The following BTD variants were observed in gnomAD, a reference collection of about 807,000 sequenced individuals.
BTD encodes biotinidase, also known as biocytinase.
Under a neutral mutation model 17.7 loss-of-function variants are expected in BTD, and 13 were observed. That is an observed-to-expected ratio of 0.74 (90% CI 0.48 to 1.17). The LOEUF (loss-of-function observed/expected upper bound fraction) is 1.17. BTD is among the 50% of genes most tolerant of loss of function. The pLI is 0.00. For synonymous variants in BTD, 240 were observed against 245.2 expected (o/e 0.98, Z 0.20); for missense variants, 674 against 650.4 (o/e 1.04, Z -0.39).
chr3:15,677,154 A>G, intron 3 of BTD: 1 of 919,232 alleles, frequency 1.1e-6, no homozygotes, highest in East Asian at 2.4e-5. Flanking sequence ...ATTATGTACA[A>G]CACCATACAT....
chr3:15,689,711 G>A, intron 3 of BTD: 1 of 235,986 alleles, frequency 4.2e-6, no homozygotes, highest in Non-Finnish European at 8.3e-6. Context: ...GAAGCTGGTA[G>A]TCTAGGACCT....
chr3:15,624,274 A>G (rs1417778529), intron 1 of BTD, among the ~76,000 whole-genome samples: 1 of 152,068 alleles, frequency 6.6e-6, no homozygotes, highest in African/African-American at 2.4e-5. Flanking sequence ...TTAGTGTCTG[A>G]TATTAATCTG....
At chr3:15,658,813 T>C (rs963797552) in intron 3 of BTD, among the ~76,000 whole-genome samples, 2 of 152,220 alleles carry the variant, frequency 1.3e-5, no homozygotes, top group Non-Finnish European at 2.9e-5. Flanking sequence ...CAGAATACTT[T>C]TGGGAATCAA....
chr3:15,717,930 AAAC>A (rs763982554), intron 4 of BTD, among the ~76,000 whole-genome samples: 35 of 152,214 alleles, frequency 2.3e-4, no homozygotes, highest in Non-Finnish European at 4.3e-4. Context: ...TCAAGGTCAG[AAAC>A]AACAAAATGG....
intron 3 of BTD, chr3:15,679,286 T>C (rs530824895): frequency 2.9e-5 from 46 of 1,612,084 alleles, no homozygotes; most frequent in Admixed American, 8.3e-5. Context: ...ATTTAATACA[T>C]AGTTGAATTC....
intron 3 of BTD, among the ~76,000 whole-genome samples, chr3:15,691,125 C>CTT (rs535516050): frequency 5.9e-4 from 83 of 141,482 alleles, no homozygotes; most frequent in African/African-American, 2.0e-3. Context: ...CTGAAGTTGT[C>CTT]TTTTTTTTTT....
chr3:15,712,235 G>T, exon 4 of BTD: 2 of 1,553,130 alleles, frequency 1.3e-6, no homozygotes, highest in Non-Finnish European at 1.8e-6. Flanking sequence ...AAAGTTAATA[G>T]AACAGGACAG....
intron 3 of BTD, among the ~76,000 whole-genome samples, chr3:15,659,832 A>G (rs2065905089): frequency 6.6e-6 from 1 of 152,162 alleles, no homozygotes; most frequent in Non-Finnish European, 1.5e-5. Context: ...CAGTAGGATG[A>G]CTTTCCTTTT....
In BTD at chr3:15,682,719, A is replaced by G. The variant is rs899232276; in HGVS notation, c.400-27341A>G. Among the ~76,000 whole-genome samples, 3 of 152,192 alleles carry G rather than the reference A, an allele frequency of 2.0e-5. No individual in the cohort carries two copies. The East Asian group carries it at 5.8e-4, about 29-fold the overall frequency. On this transcript the variant is annotated intron_variant, in intron 3 of 3. Transcript: ENST00000672141. ...CTTCCACTTTTCTTTCCAGCTGTAC[A>G]ATAATTACTAGTTAAAGTAAAAACC...
intron 3 of BTD, chr3:15,684,980 A>C: frequency 2.0e-6 from 1 of 490,122 alleles, no homozygotes; most frequent in Non-Finnish European, 3.6e-6. Context: ...AAAGAAAAGA[A>C]AAGAAAAACC....
At chr3:15,616,179 T>C (rs1306858085) in intron 1 of BTD, among the ~76,000 whole-genome samples, 1 of 152,242 alleles carries the variant, frequency 6.6e-6, no homozygotes, top group Non-Finnish European at 1.5e-5. Flanking sequence ...ATACGATTGC[T>C]GAATCATATG....
chr3:15,692,144 T>TAAAA (rs908039642), intron 3 of BTD, among the ~76,000 whole-genome samples: 60 of 98,734 alleles, frequency 6.1e-4, no homozygotes, highest in East Asian at 8.4e-4. Context: ...TATCTCTAAA[T>TAAAA]AAAAAAAAAA....
exon 4 of BTD, chr3:15,712,198 G>T: frequency 6.3e-7 from 1 of 1,585,430 alleles, no homozygotes; most frequent in Non-Finnish European, 8.6e-7. Context: ...CCAAATGGAG[G>T]GGGAACATTC....
Position 15,610,351 on chromosome 3 carries a change from A to G in BTD, c.-17+8457A>G, listed in dbSNP as rs546283128. The stretch of plus-strand genomic sequence containing the variant: ...AATGAGCCTCATTGTGCAAGCCTCT[A>G]TGTGCGGTGTTTGCTAACATCTCAT... On this transcript the variant is annotated intron_variant, in intron 1 of 3. Transcript: ENST00000643237. 4.6e-5 allele frequency among the ~76,000 whole-genome samples: 7 copies of G among 152,356 alleles called. No individual in the cohort carries two copies. The East Asian group carries it at 9.6e-4, about 21-fold the overall frequency.
intron 3 of BTD, chr3:15,669,432 A>G (rs2066155879): frequency 6.6e-6 from 1 of 152,170 alleles, no homozygotes. Flanking sequence ...TTACATTTTC[A>G]AACAAAAATA....
chr3:15,601,584 C>G, upstream of BTD: 1 of 1,589,478 alleles, frequency 6.3e-7, no homozygotes, highest in Non-Finnish European at 8.5e-7. Context: ...GACAGGAGGG[C>G]AACCAACTGC....
At chr3:15,670,848 A>G (rs1425379864) in intron 3 of BTD, among the ~76,000 whole-genome samples, 2 of 152,208 alleles carry the variant, frequency 1.3e-5, no homozygotes, top group East Asian at 3.8e-4. Context: ...ATTCACAGAA[A>G]AAACTGGGCT....
At chr3:15,657,955 G>A (rs2065887672), downstream of BTD, among the ~76,000 whole-genome samples, 1 of 152,104 alleles carries the variant, frequency 6.6e-6, no homozygotes, top group African/African-American at 2.4e-5. Context: ...ATCACTTGAG[G>A]TCAGGAGTTG....
intron 3 of BTD, among the ~76,000 whole-genome samples, chr3:15,659,304 G>A (rs1049019264): frequency 1.3e-5 from 2 of 151,692 alleles, no homozygotes; most frequent in African/African-American, 2.4e-5. Context: ...GACTGAGTGT[G>A]GGGGGGATAA....
Sources: allele counts gnomAD v4.1 joint callset (sites outside exome capture counted in the v4.1 genomes callset), GRCh38; gene constraint gnomAD v4.1.1; transcripts MANE v1.5; gene names NCBI Gene and HGNC (gene_info 2026-07-23, HGNC 2026-07-21).